Variants in TEC observed in about 807,000 individuals in gnomAD.
TEC encodes tec protein tyrosine kinase.
A neutral mutation model predicts 93.0 loss-of-function variants in TEC; 72 were observed. The observed-to-expected ratio is 0.77, with a 90% CI of 0.64 to 0.94. TEC has a LOEUF of 0.94. Among genes scored for constraint, TEC ranks in the 40% least tolerant of loss-of-function variants. The pLI, the probability that TEC is intolerant of heterozygous loss-of-function variation, is 0.00. For synonymous variants in TEC, 249 were observed against 247.7 expected (o/e 1.01, Z -0.05); for missense variants, 630 against 757.9 (o/e 0.83, Z 1.98).
At chr4:48,168,505 T>C in intron 6 of TEC, 81 bp downstream of exon 6, 1 of 1,440,098 alleles carries the variant, frequency 6.9e-7, no homozygotes, top group South Asian at 1.2e-5. Context: ...GCATACTCAG[T>C]AAGTCACAAA....
chr4:48,211,417 A>AT (rs11410267), intron 2 of TEC, among the ~76,000 whole-genome samples: 87,738 of 150,348 alleles, frequency 0.58, 25,485 homozygotes, highest in Admixed American at 0.66. Context: ...TTCAAAAAAA[A>AT]TTTTTTTAAT....
At chr4:48,222,291 A>T (rs1253379025) in intron 2 of TEC, among the ~76,000 whole-genome samples, 1 of 152,176 alleles carries the variant, frequency 6.6e-6, no homozygotes, top group East Asian at 1.9e-4. Context: ...AAGAAGAAAA[A>T]ATTGCATCAA....
chr4:48,176,686 T>A (rs1449985187), intron 2 of TEC, among the ~76,000 whole-genome samples: 1 of 152,186 alleles, frequency 6.6e-6, no homozygotes, highest in Non-Finnish European at 1.5e-5. Flanking sequence ...TGGGCCACTG[T>A]ACCTCAGGCC....
chr4:48,141,242 G>T lies in TEC; in HGVS notation c.1535+113C>A. On this transcript the variant is annotated intron_variant, in intron 15 of 17. Transcript: ENST00000381501. ...ACAATATATACTTAATTTAATCTGA[G>T]AACCAGTTAACAAGATTTCCTTTCT... is the stretch of plus-strand genomic sequence containing the variant. 4.5e-6 allele frequency: 4 copies of T among 890,756 alleles called. No homozygotes were observed. In the Admixed American group the frequency reaches 6.0e-5, roughly 13 times the overall value. The allele number at this position is 890,756 out of a possible 1,614,324, so 55.2% of individuals were successfully genotyped here.
At position 48,147,082 on chromosome 4, in the gene TEC, T is replaced by C. The variant is rs533790024; in HGVS notation, c.1007-683A>G. 2.6e-5 allele frequency among the ~76,000 whole-genome samples: 4 copies of C among 152,266 alleles called. No homozygotes were observed. The South Asian group carries it at 8.3e-4, about 32-fold the overall frequency. ...TTTCTGGCATGCAGTAGGCACTTGA[T>C]ATATGTTTGTTGAATGAATTGAGAT... On this transcript the variant is annotated intron_variant, in intron 11 of 17. Transcript: ENST00000381501.
At chr4:48,197,273 C>A (rs62309333) in intron 2 of TEC, among the ~76,000 whole-genome samples, 12,355 of 152,210 alleles carry the variant, frequency 0.081, 703 homozygotes, top group East Asian at 0.32. Context: ...CCCAGCTCTG[C>A]CACATGCTCA....
At chr4:48,179,376 ATTT>A (rs1159156668) in intron 2 of TEC, among the ~76,000 whole-genome samples, 61 of 21,122 alleles carry the variant, frequency 2.9e-3, no homozygotes, top group Middle Eastern at 0.042. Context: ...ATATATATAT[ATTT>A]TTTTTTTTTT....
chr4:48,190,764 G>GACT (rs1169847598), intron 2 of TEC, among the ~76,000 whole-genome samples: 1 of 152,124 alleles, frequency 6.6e-6, no homozygotes, highest in Non-Finnish European at 1.5e-5. Flanking sequence ...AATAAGAAGT[G>GACT]ACTAGAAACA....
intron 2 of TEC, among the ~76,000 whole-genome samples, chr4:48,214,369 A>C (rs1263147108): frequency 6.6e-6 from 1 of 152,206 alleles, no homozygotes; most frequent in African/African-American, 2.4e-5. Flanking sequence ...GAGAAGGAGA[A>C]CTGCTAGGCA....
At chr4:48,179,366 A>C (rs1560393205) in intron 2 of TEC, among the ~76,000 whole-genome samples, 1 of 37,086 alleles carries the variant, frequency 2.7e-5, no homozygotes, top group African/African-American at 1.0e-4. Flanking sequence ...ATATATATAT[A>C]TATATATATA....
chr4:48,144,795 T>C (rs1719834149), intron 14 of TEC, among the ~76,000 whole-genome samples: 1 of 152,142 alleles, frequency 6.6e-6, no homozygotes, highest in African/African-American at 2.4e-5. Flanking sequence ...ACAAGAATGA[T>C]GGTAAGAGAA....
chr4:48,224,907 G>A (rs1219406422), intron 2 of TEC, among the ~76,000 whole-genome samples: 1 of 152,290 alleles, frequency 6.6e-6, no homozygotes. Flanking sequence ...TGAACTGAGA[G>A]TTTTAACGAG....
chr4:48,225,426 C>A (rs2109633732), intron 2 of TEC, among the ~76,000 whole-genome samples: 1 of 152,314 alleles, frequency 6.6e-6, no homozygotes, highest in South Asian at 2.1e-4. Flanking sequence ...ATCCACCCAC[C>A]TCAGCTTCCG....
intron 2 of TEC, among the ~76,000 whole-genome samples, chr4:48,204,080 C>T (rs1722623388): frequency 6.6e-6 from 1 of 152,204 alleles, no homozygotes; most frequent in South Asian, 2.1e-4. Context: ...CATAGCAGGC[C>T]TGACACTGCT....
intron 4 of TEC, 75 bp from the exon 5 acceptor site, chr4:48,170,451 GA>G: frequency 9.8e-7 from 1 of 1,016,858 alleles, no homozygotes; most frequent in Admixed American, 2.5e-5. Context: ...TAACAGTGTC[GA>G]TCATTACTTA....
intron 1 of TEC, among the ~76,000 whole-genome samples, chr4:48,236,123 A>G (rs559342877): frequency 1.2e-4 from 18 of 152,354 alleles, no homozygotes; most frequent in Middle Eastern, 3.4e-3. Context: ...GGCATCATTA[A>G]GAGCCACAAC....
chr4:48,228,792 G>C lies in TEC; in HGVS notation c.-45-133C>G, dbSNP rs6842563. ...GAGTATTGATCTCTGTGCCCAAACT[G>C]AGAATGCCTGGGGCACAAAAATTCA... is the stretch of plus-strand genomic sequence containing the variant. On this transcript the variant is annotated intron_variant, in intron 1 of 17. Coordinates refer to ENST00000381501, the MANE Select transcript of TEC (RefSeq NM_003215.3). 5.8e-3 allele frequency: 3,726 copies of C among 637,616 alleles called. 96 individuals are homozygous for C. In the African/African-American group the frequency reaches 0.059, roughly 10 times the overall value. The allele number at this position is 637,616 out of a possible 1,614,324, so 39.5% of individuals were successfully genotyped here. A position where few individuals can be genotyped will look rare whatever the true frequency, so the allele number is the denominator to read the frequency against.
intron 9 of TEC, among the ~76,000 whole-genome samples, chr4:48,152,442 A>G (rs1171087444): frequency 1.4e-5 from 2 of 144,664 alleles, no homozygotes; most frequent in African/African-American, 5.6e-5. Context: ...TATCATAAAT[A>G]AATAAATAAA....
At chr4:48,186,860 C>T (rs1246562333) in intron 2 of TEC, among the ~76,000 whole-genome samples, 1 of 151,302 alleles carries the variant, frequency 6.6e-6, no homozygotes, top group East Asian at 2.0e-4. Flanking sequence ...AGGTGGGGGG[C>T]GCCTCTGCCC....
Sources: allele counts gnomAD v4.1 joint callset (sites outside exome capture counted in the v4.1 genomes callset), GRCh38; gene constraint gnomAD v4.1.1; transcripts MANE v1.5; gene names NCBI Gene and HGNC (gene_info 2026-07-23, HGNC 2026-07-21).